THRB: variants seen among roughly 807,000 people sequenced by gnomAD.
THRB encodes the protein thyroid hormone receptor beta.
A neutral mutation model predicts 47.8 loss-of-function variants in THRB; 12 were observed. The observed-to-expected ratio is 0.25, with a 90% CI of 0.16 to 0.41. The LOEUF (loss-of-function observed/expected upper bound fraction) is 0.41. Among genes scored for constraint, THRB ranks in the 10% least tolerant of loss-of-function variants. The pLI is 1.00. For synonymous variants in THRB, 218 were observed against 212.2 expected (o/e 1.03, Z -0.24); for missense variants, 348 against 589.2 (o/e 0.59, Z 4.24).
chr3:24,242,048 T>C (rs577263115), intron 3 of THRB, among the ~76,000 whole-genome samples: 1 of 152,326 alleles, frequency 6.6e-6, no homozygotes, highest in South Asian at 2.1e-4. Context: ...AGGGCAGCTG[T>C]ACTGCCTGCT....
At chr3:24,175,816 A>C (rs903256803) in intron 5 of THRB, among the ~76,000 whole-genome samples, 1 of 152,314 alleles carries the variant, frequency 6.6e-6, no homozygotes, top group South Asian at 2.1e-4. Context: ...ATAAACAATA[A>C]GATTGCTTGG....
intron 1 of THRB, among the ~76,000 whole-genome samples, chr3:24,397,075 A>G (rs1356815910): frequency 4.6e-5 from 7 of 152,110 alleles, no homozygotes; most frequent in Non-Finnish European, 8.8e-5. Flanking sequence ...AACAATTAGA[A>G]CTCAGCATAG....
At chr3:24,366,028 G>C (rs1291639560) in intron 1 of THRB, among the ~76,000 whole-genome samples, 1 of 152,136 alleles carries the variant, frequency 6.6e-6, no homozygotes, top group East Asian at 1.9e-4. Flanking sequence ...GCATTTTGAA[G>C]GTCAGAATTG....
At chr3:24,478,303 G>A (rs112895518) in intron 1 of THRB, among the ~76,000 whole-genome samples, 25 of 152,188 alleles carry the variant, frequency 1.6e-4, no homozygotes, top group African/African-American at 4.8e-4. Context: ...TATCTGGAGG[G>A]GCAGGGAATA....
rs755620840 is a variant in THRB at position 24,446,560 on chromosome 3, CAAAA to C, written c.-261+48088_-261+48091del. Among the ~76,000 whole-genome samples the C allele has an allele frequency of 3.4e-4, 14 of 41,404 alleles. No individual in the cohort carries two copies. In the South Asian group the frequency reaches 8.1e-3, roughly 24 times the overall value. 27.2% of individuals were successfully genotyped at this position (41,404 alleles called of 152,430 possible). A position where few individuals can be genotyped will look rare whatever the true frequency, so the allele number is the denominator to read the frequency against. On this transcript the variant is annotated intron_variant, in intron 1 of 10. Coordinates refer to ENST00000646209, the MANE Select transcript of THRB (RefSeq NM_001354712.2). ...CTATCTACATTGGAAAGATCTTTCT[CAAAA>C]AAAAAAAAAAAAGAAAGAAAGAAAT...
chr3:24,243,902 TGGAG>T (rs1372447380), intron 3 of THRB, among the ~76,000 whole-genome samples: 1 of 96,392 alleles, frequency 1.0e-5, no homozygotes. Context: ...AGGTGCTGAA[TGGAG>T]GAAGGGAGGC....
At chr3:24,179,654 T>A (rs2041638407) in intron 5 of THRB, among the ~76,000 whole-genome samples, 1 of 152,200 alleles carries the variant, frequency 6.6e-6, no homozygotes, top group Admixed American at 6.5e-5. Context: ...GCCACCAATT[T>A]TATTTTTCCA....
At chr3:24,200,620 C>T (rs889610289) in intron 4 of THRB, among the ~76,000 whole-genome samples, 1 of 152,296 alleles carries the variant, frequency 6.6e-6, no homozygotes, top group Non-Finnish European at 1.5e-5. Context: ...TAGAATCTCA[C>T]TACAATTTCC....
intron 4 of THRB, among the ~76,000 whole-genome samples, chr3:24,225,863 G>A (rs1295135171): frequency 6.6e-6 from 1 of 151,982 alleles, no homozygotes; most frequent in Admixed American, 6.6e-5. Flanking sequence ...TTCTGCTGAG[G>A]TTGGAAGGAA....
At chr3:24,203,894 G>A (rs1280084866) in intron 4 of THRB, among the ~76,000 whole-genome samples, 2 of 152,254 alleles carry the variant, frequency 1.3e-5, no homozygotes, top group Non-Finnish European at 2.9e-5. Context: ...CACGCCCACG[G>A]AGCCTTGCTC....
intron 4 of THRB, among the ~76,000 whole-genome samples, chr3:24,228,198 C>T (rs544199196): frequency 3.9e-5 from 6 of 152,088 alleles, no homozygotes; most frequent in Non-Finnish European, 8.8e-5. Context: ...CTGGTGTTAT[C>T]AGCCTATTCC....
intron 9 of THRB, among the ~76,000 whole-genome samples, chr3:24,129,609 G>A (rs2033490450): frequency 6.6e-6 from 1 of 152,230 alleles, no homozygotes; most frequent in Admixed American, 6.5e-5. Context: ...TTTCCTTTAA[G>A]AGGGATTTGT....
At chr3:24,334,347 G>C (rs1313899558) in intron 2 of THRB, among the ~76,000 whole-genome samples, 1 of 151,740 alleles carries the variant, frequency 6.6e-6, no homozygotes, top group African/African-American at 2.4e-5. Flanking sequence ...CATTTTATAG[G>C]GCATTTAAAA....
At chr3:24,304,265 A>C (rs1424338636) in intron 2 of THRB, among the ~76,000 whole-genome samples, 1 of 152,182 alleles carries the variant, frequency 6.6e-6, no homozygotes, top group Non-Finnish European at 1.5e-5. Context: ...TCCATGGAAT[A>C]TTAATAAAAT....
In THRB at chr3:24,465,235, G is replaced by C. The variant is rs552877506; in HGVS notation, c.-261+29417C>G. Among the ~76,000 whole-genome samples, 12 of 152,184 alleles carry C rather than the reference G, an allele frequency of 7.9e-5. No homozygotes were observed. In the South Asian group the frequency reaches 1.5e-3, roughly 18 times the overall value. On this transcript the variant is annotated intron_variant, in intron 1 of 10. Coordinates refer to ENST00000646209, the MANE Select transcript of THRB (RefSeq NM_001354712.2). ...ATTTTGGGTCGATGATTTTGCTCAG[G>C]ATTCTGAAAAACACATTCTGCTGGT...
At chr3:24,345,552 A>T (rs1018062978) in intron 1 of THRB, among the ~76,000 whole-genome samples, 8 of 152,178 alleles carry the variant, frequency 5.3e-5, no homozygotes, top group Non-Finnish European at 8.8e-5. Context: ...GACAATAACA[A>T]TACTTAATTT....
intron 1 of THRB, among the ~76,000 whole-genome samples, chr3:24,380,001 T>C (rs1053204690): frequency 1.2e-4 from 18 of 151,550 alleles, no homozygotes; most frequent in African/African-American, 4.1e-4. Flanking sequence ...CCTTCCTTTA[T>C]ATGCCCATTG....
chr3:24,349,516 A>C (rs1251165550), intron 1 of THRB, among the ~76,000 whole-genome samples: 1 of 152,176 alleles, frequency 6.6e-6, no homozygotes, highest in Non-Finnish European at 1.5e-5. Flanking sequence ...ATAGATCACA[A>C]GAGCTCCAAA....
intron 4 of THRB, among the ~76,000 whole-genome samples, chr3:24,200,577 A>T (rs902726656): frequency 5.9e-5 from 9 of 152,212 alleles, no homozygotes; most frequent in Admixed American, 1.3e-4. Flanking sequence ...TAGTGTTAGC[A>T]GAGTAACATA....
Sources: gnomAD v4.1 joint callset for allele counts (sites outside exome capture counted in the v4.1 genomes callset) on GRCh38, gnomAD v4.1.1 for gene constraint, MANE v1.5 for transcripts, NCBI Gene and HGNC (gene_info 2026-07-23, HGNC 2026-07-21) for gene names.